Variants in TNRC6B observed in about 807,000 individuals in gnomAD.
TNRC6B encodes the protein trinucleotide repeat-containing gene 6B protein.
In TNRC6B, 52 loss-of-function variants were observed where a neutral mutation model predicts 203.6. The observed-to-expected ratio is 0.26, with a 90% CI of 0.20 to 0.32. The LOEUF is 0.32. Among genes scored for constraint, TNRC6B ranks in the 10% least tolerant of loss-of-function variants. The pLI is 1.00. For synonymous variants in TNRC6B, 838 were observed against 845.7 expected, an observed-to-expected ratio of 0.99 and a Z score of 0.16; for missense variants, 1,923 against 2,286.2, an observed-to-expected ratio of 0.84 and a Z score of 3.24.
rs1012110235 is a variant in TNRC6B, at chr22:40,330,084, C to T, written c.*6843C>T. The T allele has an allele frequency of 6.6e-6, 1 of 152,166 alleles. No homozygotes were observed. The highest frequency in any genetic ancestry group is 2.4e-5 in the African/African-American group (1 of 41,422). 9.4% of individuals were successfully genotyped at this position (152,166 alleles called of 1,614,324 possible). ...AGTGTCCGTTTAAAGCACTTTGTGC[C>T]TCAACTTCATTTTTAAACTGTAAAT... On this transcript the variant is annotated 3_prime_UTR_variant, in exon 23 of 23. Transcript: ENST00000454349.
At chr22:40,211,910 C>G (rs2069569187) in intron 1 of TNRC6B, among the ~76,000 whole-genome samples, 1 of 152,218 alleles carries the variant, frequency 6.6e-6, no homozygotes, top group Non-Finnish European at 1.5e-5. Context: ...TTACTGTGTG[C>G]TGCTTCCTAA....
At chr22:40,112,584 G>T (rs557139861) in intron 1 of TNRC6B, among the ~76,000 whole-genome samples, 2 of 152,312 alleles carry the variant, frequency 1.3e-5, no homozygotes, top group African/African-American at 4.8e-5. Context: ...AGACAGGAAA[G>T]GAGCTCCCAA....
chr22:40,273,441 A>G lies in TNRC6B; in HGVS notation c.2982A>G (p.Gln994=), dbSNP rs1240659273. 2 of 1,608,772 alleles carry G rather than the reference A, an allele frequency of 1.2e-6. No homozygotes were observed. The highest frequency in any genetic ancestry group is 1.7e-6 in the Non-Finnish European group (2 of 1,177,694). Residue 994 remains glutamine, a synonymous_variant, in exon 7 of 23, where the codon CAA becomes CAG. Transcript: ENST00000454349. ...NAMKPNSKSM[Q]DGWGESDGPV... ...TCCTTAAAGATTCCAAATCTATGCA[A>G]GACGGCTGGGGGGAGAGTGACGGGC...
intron 1 of TNRC6B, among the ~76,000 whole-genome samples, chr22:40,192,695 AG>A (rs1289888206): frequency 3.3e-5 from 5 of 150,898 alleles, no homozygotes; most frequent in African/African-American, 4.9e-5. Flanking sequence ...AGAAAGAGGG[AG>A]GGATCCTAGA....
chr22:40,144,837 T>C (rs1330378764), intron 3 of TNRC6B, among the ~76,000 whole-genome samples: 1 of 151,760 alleles, frequency 6.6e-6, no homozygotes, highest in African/African-American at 2.4e-5. Flanking sequence ...TTATAGTTAA[T>C]AGGGCGATCT....
At chr22:40,268,626 CT>C (rs1213202675) in intron 5 of TNRC6B, among the ~76,000 whole-genome samples, 1 of 151,984 alleles carries the variant, frequency 6.6e-6, no homozygotes, top group Non-Finnish European at 1.5e-5. Context: ...ATAAAATAAT[CT>C]TTGGCCAGGC....
intron 1 of TNRC6B, among the ~76,000 whole-genome samples, chr22:40,090,271 G>A (rs777297762): frequency 6.6e-6 from 1 of 152,180 alleles, no homozygotes; most frequent in Non-Finnish European, 1.5e-5. Context: ...GTCTTGCAAA[G>A]TGGCCATACG....
At chr22:40,154,857 AAAAATATATATATATATATAT>A (rs1270457626) in intron 3 of TNRC6B, among the ~76,000 whole-genome samples, 1 of 42,364 alleles carries the variant, frequency 2.4e-5, no homozygotes, top group Non-Finnish European at 4.0e-5. Flanking sequence ...AAAAAAAAAA[AAAAATATATATATATATATAT>A]ATATATATAT....
At chr22:40,225,443 T>A (rs908795713) in intron 1 of TNRC6B, among the ~76,000 whole-genome samples, 1 of 152,144 alleles carries the variant, frequency 6.6e-6, no homozygotes, top group African/African-American at 2.4e-5. Flanking sequence ...AAAAACATAT[T>A]TGAGGCCGGG....
chr22:40,151,977 A>G (rs2068761456), intron 3 of TNRC6B, among the ~76,000 whole-genome samples: 1 of 152,166 alleles, frequency 6.6e-6, no homozygotes, highest in African/African-American at 2.4e-5. Context: ...GAAACTGTCA[A>G]ATAAGTAGAG....
chr22:40,065,074 A>G (rs2146275053), intron 1 of TNRC6B, among the ~76,000 whole-genome samples: 1 of 148,074 alleles, frequency 6.8e-6, no homozygotes, highest in Admixed American at 6.7e-5. Context: ...TACTGGTCTC[A>G]TAGAATGAAT....
At chr22:40,313,488 T>C (rs1395085029) in intron 19 of TNRC6B, among the ~76,000 whole-genome samples, 1 of 151,840 alleles carries the variant, frequency 6.6e-6, no homozygotes, top group Non-Finnish European at 1.5e-5. Flanking sequence ...TTCCTCATGG[T>C]TTTTTAAAAG....
intron 3 of TNRC6B, among the ~76,000 whole-genome samples, chr22:40,150,422 C>T (rs2068740590): frequency 6.6e-6 from 1 of 152,000 alleles, no homozygotes; most frequent in African/African-American, 2.4e-5. Flanking sequence ...AAGCATAAAT[C>T]CACCAGAAAA....
At chr22:40,215,056 GCTTT>G (rs2069617334) in intron 1 of TNRC6B, among the ~76,000 whole-genome samples, 1 of 152,084 alleles carries the variant, frequency 6.6e-6, no homozygotes, top group Admixed American at 6.5e-5. Flanking sequence ...AGAATACTTA[GCTTT>G]CTTTTTTTTT....
intron 2 of TNRC6B, among the ~76,000 whole-genome samples, chr22:40,124,614 G>A (rs2146323370): frequency 6.6e-6 from 1 of 152,192 alleles, no homozygotes; most frequent in Middle Eastern, 3.4e-3. Context: ...ACTGCACCTG[G>A]CCTTTTTTAG....
At chr22:40,096,390 A>G (rs1451213653) in intron 1 of TNRC6B, among the ~76,000 whole-genome samples, 7 of 152,222 alleles carry the variant, frequency 4.6e-5, no homozygotes, top group Non-Finnish European at 1.0e-4. Flanking sequence ...AGAAGCATCT[A>G]CATTTCCTGC....
At chr22:40,194,815 G>A (rs935813857) in intron 1 of TNRC6B, among the ~76,000 whole-genome samples, 1 of 152,198 alleles carries the variant, frequency 6.6e-6, no homozygotes, top group African/African-American at 2.4e-5. Context: ...TGGGGAAGGG[G>A]AGGGGGAGAC....
At chr22:40,165,918 A>G (rs987146744) in intron 4 of TNRC6B, among the ~76,000 whole-genome samples, 2 of 152,140 alleles carry the variant, frequency 1.3e-5, no homozygotes, top group Non-Finnish European at 2.9e-5. Flanking sequence ...TTGTGTGGGG[A>G]CACAGCCAAA....
intron 2 of TNRC6B, among the ~76,000 whole-genome samples, chr22:40,249,331 T>C (rs1421343235): frequency 3.9e-5 from 6 of 152,214 alleles, no homozygotes; most frequent in African/African-American, 7.2e-5. Context: ...AATTGACACT[T>C]ACTTAAAGCT....
Sources: gnomAD v4.1 joint callset for allele counts (sites outside exome capture counted in the v4.1 genomes callset) on GRCh38, gnomAD v4.1.1 for gene constraint, MANE v1.5 for transcripts, NCBI Gene and HGNC (gene_info 2026-07-23, HGNC 2026-07-21) for gene names.